Variants in SLC39A11 observed in about 807,000 individuals in gnomAD.
SLC39A11 encodes the protein solute carrier family 39 member 11, also known as zinc transporter ZIP11.
SLC39A11 carries 33 observed loss-of-function variants against 36.1 expected under a neutral mutation model. That is an observed-to-expected ratio of 0.91 (90% CI 0.69 to 1.22). SLC39A11 has a LOEUF of 1.22. Among genes scored for constraint, SLC39A11 ranks in the 50% most tolerant of loss-of-function variants. The pLI, the probability that SLC39A11 is intolerant of heterozygous loss-of-function variation, is 0.00. For synonymous variants in SLC39A11, 166 were observed against 170.3 expected (o/e 0.97, Z 0.20); for missense variants, 432 against 430.3 (o/e 1.00, Z -0.03).
At position 72,959,325 on chromosome 17, in the gene SLC39A11, GTATATATATATA is replaced by G. The variant is rs1186282631; in HGVS notation, c.307-11462_307-11451del. Among the ~76,000 whole-genome samples, 112 of 65,528 alleles carry G rather than the reference GTATATATATATA, an allele frequency of 1.7e-3. 1 individual carries two copies. The highest frequency in any genetic ancestry group is 4.9e-3 in the South Asian group (8 of 1,626). The allele number at this position is 65,528 out of a possible 152,430, so 43.0% of individuals were successfully genotyped here. On this transcript the variant is annotated intron_variant, in intron 4 of 9. Coordinates refer to ENST00000255559, the MANE Select transcript of SLC39A11 (RefSeq NM_139177.4). Reference sequence around the variant, plus strand: ...CTGGTGTATGTATGTGTGTGTGTGTGTATATATATATATATATATATATATATATATATATAT... The same window carrying G: ...CTGGTGTATGTATGTGTGTGTGTGTGTATATATATATATATATATATATAT...
chr17:73,089,352 C>A (rs9898137), intron 1 of SLC39A11, among the ~76,000 whole-genome samples: 40,113 of 152,050 alleles, frequency 0.26, 6,318 homozygotes, highest in African/African-American at 0.44. Flanking sequence ...CACGAGCACC[C>A]AACTCCAGCT....
intron 6 of SLC39A11, among the ~76,000 whole-genome samples, chr17:72,849,020 A>G (rs1347062563): frequency 6.6e-6 from 1 of 152,244 alleles, no homozygotes; most frequent in Non-Finnish European, 1.5e-5. Context: ...AGTGTATGTT[A>G]TATGTATTAT....
chr17:72,738,965 C>T (rs1229042746), intron 6 of SLC39A11, among the ~76,000 whole-genome samples: 2 of 152,102 alleles, frequency 1.3e-5, no homozygotes, highest in African/African-American at 4.8e-5. Context: ...ACCTGTGATG[C>T]ACTCCAGCTC....
intron 7 of SLC39A11, among the ~76,000 whole-genome samples, chr17:72,666,169 TG>T: frequency 6.6e-6 from 1 of 152,234 alleles, no homozygotes; most frequent in Non-Finnish European, 1.5e-5. Flanking sequence ...CTACGTTTTG[TG>T]ATCCCTAAAC....
intron 6 of SLC39A11, among the ~76,000 whole-genome samples, chr17:72,799,888 G>A (rs770699769): frequency 6.6e-5 from 10 of 151,536 alleles, no homozygotes; most frequent in Admixed American, 2.0e-4. Flanking sequence ...TGTGATCTTT[G>A]TACCTACTCT....
chr17:73,079,623 A>T (rs964470953), intron 3 of SLC39A11, among the ~76,000 whole-genome samples: 1 of 152,210 alleles, frequency 6.6e-6, no homozygotes, highest in African/African-American at 2.4e-5. Context: ...TCTATTCAAC[A>T]TAGTACTAGA....
intron 3 of SLC39A11, among the ~76,000 whole-genome samples, chr17:73,058,677 C>T (rs1599073978): frequency 6.6e-6 from 1 of 152,108 alleles, no homozygotes; most frequent in African/African-American, 2.4e-5. Flanking sequence ...GAGTCGAGAT[C>T]GCACCACTGC....
At chr17:72,966,910 C>T (rs940318700) in intron 4 of SLC39A11, among the ~76,000 whole-genome samples, 2 of 152,236 alleles carry the variant, frequency 1.3e-5, no homozygotes, top group African/African-American at 2.4e-5. Context: ...GCTGGAATTA[C>T]TGCCTGAGCT....
chr17:72,754,051 TACACAC>T (rs58802713), intron 6 of SLC39A11, among the ~76,000 whole-genome samples: 6,224 of 107,828 alleles, frequency 0.058, 197 homozygotes, highest in African/African-American at 0.082. Flanking sequence ...TATATACACA[TACACAC>T]ACACACACAC....
chr17:72,798,294 T>C (rs969626748), intron 6 of SLC39A11, among the ~76,000 whole-genome samples: 3 of 152,012 alleles, frequency 2.0e-5, no homozygotes, highest in Non-Finnish European at 2.9e-5. Flanking sequence ...CTGAGCTCAG[T>C]GTGCCAGCAT....
At chr17:72,918,031 C>G (rs1389078623) in intron 5 of SLC39A11, among the ~76,000 whole-genome samples, 1 of 152,212 alleles carries the variant, frequency 6.6e-6, no homozygotes, top group Non-Finnish European at 1.5e-5. Flanking sequence ...TGCAACCTAA[C>G]GAGCTGAACT....
chr17:72,715,595 C>T (rs2073324811), intron 7 of SLC39A11, among the ~76,000 whole-genome samples: 2 of 152,152 alleles, frequency 1.3e-5, no homozygotes, highest in Admixed American at 1.3e-4. Context: ...AGAGGAGTCA[C>T]ATTCATAGAG....
intron 5 of SLC39A11, among the ~76,000 whole-genome samples, chr17:72,925,675 T>G (rs1362437190): frequency 6.6e-6 from 1 of 152,216 alleles, no homozygotes; most frequent in African/African-American, 2.4e-5. Flanking sequence ...AATGTCAGAC[T>G]TTGCCATATG....
intron 4 of SLC39A11, among the ~76,000 whole-genome samples, chr17:73,003,385 T>C (rs1158464136): frequency 1.3e-5 from 2 of 152,042 alleles, no homozygotes. Context: ...TGATTGGATG[T>C]TGGGGGCAGA....
intron 6 of SLC39A11, among the ~76,000 whole-genome samples, chr17:72,813,529 G>A (rs909695477): frequency 1.3e-5 from 2 of 152,142 alleles, no homozygotes; most frequent in Non-Finnish European, 2.9e-5. Context: ...TACATTCATG[G>A]ATCAGACCCT....
At chr17:72,862,547 A>G (rs2146248037) in intron 5 of SLC39A11, among the ~76,000 whole-genome samples, 1 of 152,242 alleles carries the variant, frequency 6.6e-6, no homozygotes, top group East Asian at 1.9e-4. Flanking sequence ...AGGGACACAC[A>G]AAGAATGGCT....
intron 6 of SLC39A11, among the ~76,000 whole-genome samples, chr17:72,805,730 A>ATTT (rs796432423): frequency 6.7e-6 from 1 of 149,182 alleles, no homozygotes; most frequent in African/African-American, 2.5e-5. Flanking sequence ...CTCAGAGTTA[A>ATTT]TTTTTTTTTC....
chr17:73,082,183 T>A (rs970716000), intron 3 of SLC39A11, among the ~76,000 whole-genome samples: 1 of 150,132 alleles, frequency 6.7e-6, no homozygotes, highest in African/African-American at 2.4e-5. Flanking sequence ...TTTAATTTAA[T>A]TTTTTAAATT....
intron 5 of SLC39A11, among the ~76,000 whole-genome samples, chr17:72,883,714 G>A (rs2081319965): frequency 6.6e-6 from 1 of 152,198 alleles, no homozygotes; most frequent in Non-Finnish European, 1.5e-5. Context: ...ACTTGGTCCA[G>A]GGGAAAGCCA....
Sources: gnomAD v4.1 joint callset for allele counts (sites outside exome capture counted in the v4.1 genomes callset) on GRCh38, gnomAD v4.1.1 for gene constraint, MANE v1.5 for transcripts, NCBI Gene and HGNC (gene_info 2026-07-23, HGNC 2026-07-21) for gene names.